Variants in ARL6 observed in about 807,000 individuals in gnomAD.
The protein encoded by ARL6 is ADP-ribosylation factor-like protein 6.
In ARL6, 18 loss-of-function variants were observed where a neutral mutation model predicts 27.1. The ratio of observed to expected loss-of-function variants is 0.66; its 90% confidence interval spans 0.46 to 0.98. The LOEUF (loss-of-function observed/expected upper bound fraction) is 0.98, where lower values mean the gene tolerates loss of function less well. Among genes scored for constraint, ARL6 ranks in the 50% least tolerant of loss-of-function variants. The pLI, the probability that ARL6 is intolerant of heterozygous loss-of-function variation, is 0.00. For missense variants in ARL6, 187 were observed against 214.9 expected (o/e 0.87, Z 0.81); for synonymous variants, 65 against 72.3 (o/e 0.90, Z 0.51).
At chr3:97,789,619 C>T (rs1378223737) in intron 6 of ARL6, among the ~76,000 whole-genome samples, 1 of 152,044 alleles carries the variant, frequency 6.6e-6, no homozygotes, top group African/African-American at 2.4e-5. Context: ...TTCTGGATAA[C>T]TTATATAAGA....
intron 2 of ARL6, among the ~76,000 whole-genome samples, chr3:97,769,199 A>G (rs922861420): frequency 6.6e-6 from 1 of 152,070 alleles, no homozygotes; most frequent in Non-Finnish European, 1.5e-5. Context: ...CTAGTTTTTC[A>G]TATTAAGCTA....
chr3:97,785,126 T>C (rs1214960740), intron 5 of ARL6, 77 bp downstream of exon 5: 1 of 1,078,390 alleles, frequency 9.3e-7, no homozygotes, highest in Non-Finnish European at 1.4e-6. Context: ...TGGGTATTGC[T>C]TATACTATGT....
intron 7 of ARL6, among the ~76,000 whole-genome samples, chr3:97,795,173 C>T (rs947028660): frequency 1.8e-4 from 27 of 152,146 alleles, no homozygotes; most frequent in African/African-American, 6.0e-4. Flanking sequence ...GAAACAGTCT[C>T]AATAATCGTG....
intron 7 of ARL6, 107 bp from the exon 8 acceptor site, chr3:97,797,917 T>G: frequency 2.0e-6 from 2 of 1,012,426 alleles, no homozygotes; most frequent in Non-Finnish European, 3.1e-6. Flanking sequence ...CAAAAGCACA[T>G]GTATACATAA....
intron 7 of ARL6, among the ~76,000 whole-genome samples, chr3:97,792,593 ATTGATATTTTGTATATTT>A: frequency 6.6e-6 from 1 of 152,216 alleles, no homozygotes; most frequent in Non-Finnish European, 1.5e-5. Context: ...CTGATCTTTT[ATTGATATTTTGTATATTT>A]GCAGTTCTGG....
intron 4 of ARL6, among the ~76,000 whole-genome samples, chr3:97,784,032 C>T (rs1319781796): frequency 6.6e-6 from 1 of 151,796 alleles, no homozygotes; most frequent in Non-Finnish European, 1.5e-5. Context: ...TTACTCCTAA[C>T]ATTTCTAATA....
chr3:97,769,398 A>T (rs1443679297), intron 2 of ARL6, among the ~76,000 whole-genome samples: 1 of 151,996 alleles, frequency 6.6e-6, no homozygotes, highest in Non-Finnish European at 1.5e-5. Flanking sequence ...TTATTGTCAC[A>T]TCATCCAGTT....
chr3:97,781,988 TC>T, intron 4 of ARL6, among the ~76,000 whole-genome samples: 1 of 152,178 alleles, frequency 6.6e-6, no homozygotes, highest in Admixed American at 6.5e-5. Flanking sequence ...AATTTTTTTT[TC>T]AATGAGTCCT....
At chr3:97,772,734 G>T (rs2036701751) in intron 2 of ARL6, among the ~76,000 whole-genome samples, 1 of 149,140 alleles carries the variant, frequency 6.7e-6, no homozygotes, top group South Asian at 2.1e-4. Context: ...CGATTCTCCT[G>T]CCTCAGCCTC....
chr3:97,782,727 G>A (rs993758538), intron 4 of ARL6, among the ~76,000 whole-genome samples: 3 of 151,274 alleles, frequency 2.0e-5, no homozygotes, highest in African/African-American at 7.3e-5. Flanking sequence ...AATATACATA[G>A]AAGGTTGTAT....
chr3:97,798,713 C>T lies in ARL6; in HGVS notation c.*664C>T, dbSNP rs914844772. ...GACATAGTCCTAGGCAATGATGTTACGAGGTAAATAAGACATATCCTTATC... is the reference window on the plus strand; with the variant it reads ...GACATAGTCCTAGGCAATGATGTTATGAGGTAAATAAGACATATCCTTATC... On this transcript the variant is annotated 3_prime_UTR_variant, in exon 8 of 8. Coordinates refer to ENST00000463745, the MANE Select transcript of ARL6 (RefSeq NM_001278293.3). The T allele has an allele frequency of 1.3e-5, 2 of 151,932 alleles. No homozygotes were observed. Among genetic ancestry groups the T allele is most frequent in the Admixed American group, 6.6e-5 (1 of 15,242 alleles). The allele number at this position is 151,932 out of a possible 1,614,324, so 9.4% of individuals were successfully genotyped here.
At chr3:97,777,476 T>C (rs965660621) in intron 2 of ARL6, among the ~76,000 whole-genome samples, 5 of 152,272 alleles carry the variant, frequency 3.3e-5, no homozygotes, top group African/African-American at 9.6e-5. Flanking sequence ...TTTAATACAA[T>C]ATAAATACTA....
chr3:97,796,108 T>C (rs1443799189), intron 7 of ARL6, among the ~76,000 whole-genome samples: 1 of 152,160 alleles, frequency 6.6e-6, no homozygotes, highest in Non-Finnish European at 1.5e-5. Context: ...AATCAATTTT[T>C]TAGTGTTCAC....
intron 4 of ARL6, among the ~76,000 whole-genome samples, chr3:97,782,385 T>C (rs1318275092): frequency 6.6e-6 from 1 of 151,944 alleles, no homozygotes; most frequent in African/African-American, 2.4e-5. Context: ...TTGGATGAAA[T>C]TTATGAATTC....
chr3:97,771,113 G>C (rs2036617683), intron 2 of ARL6, among the ~76,000 whole-genome samples: 1 of 151,978 alleles, frequency 6.6e-6, no homozygotes. Flanking sequence ...GGGTGGTATA[G>C]ATATTTTAAC....
intron 2 of ARL6, among the ~76,000 whole-genome samples, chr3:97,779,354 G>A (rs2037066098): frequency 6.6e-6 from 1 of 152,080 alleles, no homozygotes; most frequent in Admixed American, 6.5e-5. Flanking sequence ...TGGGTCAGAT[G>A]GCCCCTACTC....
chr3:97,780,993 T>C (rs78074640), intron 4 of ARL6, among the ~76,000 whole-genome samples: 5,861 of 152,208 alleles, frequency 0.039, 206 homozygotes, highest in African/African-American at 0.095. Flanking sequence ...CCTCTGAAGT[T>C]TCACTGTTCT....
rs1425882378 is a variant in ARL6, at chr3:97,800,417, T to A, written c.*2368T>A. The A allele has an allele frequency of 6.6e-6, 1 of 152,190 alleles. No individual in the cohort carries two copies. Among genetic ancestry groups the A allele is most frequent in the Non-Finnish European group, 1.5e-5 (1 of 68,026 alleles). 9.4% of individuals were successfully genotyped at this position (152,190 alleles called of 1,614,324 possible). A position where few individuals can be genotyped will look rare whatever the true frequency, so the allele number is the denominator to read the frequency against. On this transcript the variant is annotated 3_prime_UTR_variant, in exon 8 of 8. Coordinates refer to ENST00000463745, the MANE Select transcript of ARL6 (RefSeq NM_001278293.3). ...GACATCAGTGTGTTACAGAGTTTAA[T>A]TCATTAAGCTCTGTATTTGAATATA...
intron 7 of ARL6, chr3:97,792,033 T>A (rs1394436264): frequency 1.8e-6 from 1 of 551,168 alleles, no homozygotes; most frequent in Non-Finnish European, 3.2e-6. Flanking sequence ...TTACATAAAG[T>A]GTTTGAATCT....
Sources: gnomAD v4.1 joint callset for allele counts (sites outside exome capture counted in the v4.1 genomes callset) on GRCh38, gnomAD v4.1.1 for gene constraint, MANE v1.5 for transcripts, NCBI Gene and HGNC (gene_info 2026-07-23, HGNC 2026-07-21) for gene names.